GRIN2A: variants seen among roughly 807,000 people sequenced by gnomAD.
The protein encoded by GRIN2A is glutamate ionotropic receptor NMDA type subunit 2A.
Under a neutral mutation model 113.4 loss-of-function variants are expected in GRIN2A, and 22 were observed. The ratio of observed to expected loss-of-function variants is 0.19; its 90% CI spans 0.14 to 0.28. The LOEUF is 0.28. Ranked by LOEUF, GRIN2A falls within the 10% of genes least tolerant of loss-of-function variation. GRIN2A has a pLI of 1.00. For missense variants in GRIN2A, 1,502 were observed against 1,887.0 expected, an observed-to-expected ratio of 0.80 and a Z score of 3.78; for synonymous variants, 827 against 738.4, an observed-to-expected ratio of 1.12 and a Z score of -1.94.
At chr16:10,084,744 C>CTTTATTTATTTATTTATTTATTTA (rs144403767) in intron 2 of GRIN2A, among the ~76,000 whole-genome samples, 4,199 of 147,080 alleles carry the variant, frequency 0.029, 117 homozygotes, top group African/African-American at 0.07. Context: ...CCACCTGACA[C>CTTTATTTATTTATTTATTTATTTA]TTTATTTATT....
chr16:9,982,196 A>G (rs1029599778), intron 2 of GRIN2A, among the ~76,000 whole-genome samples: 2 of 152,196 alleles, frequency 1.3e-5, no homozygotes, highest in Admixed American at 6.5e-5. Flanking sequence ...TGACATGCCC[A>G]TGATGTCATC....
rs533400352 is a variant in GRIN2A, at chr16:10,180,560, G to A, written c.-18-131C>T. ...AGCAGGATAGGCTGCTGGGATCACG[G>A]ACTCCATTCCGAGTCCCCGACGCCA... On this transcript the variant is annotated intron_variant, in intron 1 of 12. Coordinates refer to ENST00000330684, the MANE Select transcript of GRIN2A (RefSeq NM_001134407.3). The surrounding 1 kb of genome is among the most constrained non-coding windows in gnomAD (Gnocchi z 7.0). 2.7e-6 allele frequency: 4 copies of A among 1,481,058 alleles called. No individual in the cohort carries two copies. Among genetic ancestry groups the A allele is most frequent in the Non-Finnish European group, 3.6e-6 (4 of 1,118,134 alleles). The allele number at this position is 1,481,058 out of a possible 1,614,324, so 91.7% of individuals were successfully genotyped here. A position where few individuals can be genotyped will look rare whatever the true frequency, so the allele number is the denominator to read the frequency against.
At chr16:9,810,885 G>A (rs1334187103) in intron 10 of GRIN2A, among the ~76,000 whole-genome samples, 2 of 152,198 alleles carry the variant, frequency 1.3e-5, no homozygotes, top group African/African-American at 2.4e-5. Flanking sequence ...GGAAGGAGGT[G>A]GGGCTTGCTT....
intron 2 of GRIN2A, among the ~76,000 whole-genome samples, chr16:9,950,217 C>T (rs541435411): frequency 6.6e-6 from 1 of 152,264 alleles, no homozygotes; most frequent in Non-Finnish European, 1.5e-5. Context: ...CTCTTGTGAG[C>T]ACAGGGACAG....
At chr16:9,894,963 A>G (rs1399928628) in intron 3 of GRIN2A, among the ~76,000 whole-genome samples, 1 of 152,148 alleles carries the variant, frequency 6.6e-6, no homozygotes, top group Non-Finnish European at 1.5e-5. Flanking sequence ...CCATCCATCC[A>G]TCTATCCGTC....
chr16:9,982,036 C>A (rs2045901615), intron 2 of GRIN2A, among the ~76,000 whole-genome samples: 1 of 152,180 alleles, frequency 6.6e-6, no homozygotes, highest in Admixed American at 6.5e-5. Flanking sequence ...GATCTGCCCA[C>A]CTCAGCCTCC....
chr16:10,130,806 A>C (rs1354850770), intron 2 of GRIN2A, among the ~76,000 whole-genome samples: 1 of 152,220 alleles, frequency 6.6e-6, no homozygotes, highest in Non-Finnish European at 1.5e-5. Context: ...TGACTCAAGC[A>C]GGTCCCCAGG....
At chr16:10,169,503 G>A (rs1364568097) in intron 2 of GRIN2A, among the ~76,000 whole-genome samples, 1 of 152,194 alleles carries the variant, frequency 6.6e-6, no homozygotes. Flanking sequence ...AAAGGATAGA[G>A]GCCCTAGAAG....
At chr16:10,109,422 G>T (rs184070942) in intron 2 of GRIN2A, among the ~76,000 whole-genome samples, 1 of 152,024 alleles carries the variant, frequency 6.6e-6, no homozygotes, top group African/African-American at 2.4e-5. Context: ...TTCATGTTAT[G>T]AGGATAGTAT....
chr16:9,821,965 C>A (rs2042292691), intron 10 of GRIN2A, among the ~76,000 whole-genome samples: 1 of 152,182 alleles, frequency 6.6e-6, no homozygotes, highest in Admixed American at 6.5e-5. Context: ...CTTCTTGGAT[C>A]TTTCTATTTG....
intron 3 of GRIN2A, among the ~76,000 whole-genome samples, chr16:9,908,320 C>G (rs1030997269): frequency 1.3e-5 from 2 of 152,090 alleles, no homozygotes; most frequent in Admixed American, 1.3e-4. Flanking sequence ...ATGTGTTTAC[C>G]ACCTAAAGGG....
intron 5 of GRIN2A, among the ~76,000 whole-genome samples, chr16:9,847,602 C>G (rs9929363): frequency 0.032 from 4,776 of 150,118 alleles, 278 homozygotes; most frequent in African/African-American, 0.11. Context: ...ATTTTTAACA[C>G]ATAAAAATAT....
intron 2 of GRIN2A, among the ~76,000 whole-genome samples, chr16:10,134,465 C>CT (rs1160471788): frequency 3.3e-5 from 3 of 90,522 alleles, no homozygotes. Context: ...TATCACACAC[C>CT]GGGGCCTGTC....
intron 3 of GRIN2A, among the ~76,000 whole-genome samples, chr16:9,932,584 T>C (rs1235017327): frequency 1.3e-5 from 2 of 151,786 alleles, no homozygotes; most frequent in Non-Finnish European, 2.9e-5. Flanking sequence ...GGTTTTACCA[T>C]GTGTTGGCCA....
intron 5 of GRIN2A, among the ~76,000 whole-genome samples, chr16:9,846,426 A>AT (rs1456332710): frequency 6.6e-6 from 1 of 152,194 alleles, no homozygotes; most frequent in Non-Finnish European, 1.5e-5. Flanking sequence ...TTCACAATAC[A>AT]TTTAGCAATC....
chr16:9,958,192 C>A (rs566972665), intron 2 of GRIN2A, among the ~76,000 whole-genome samples: 1 of 152,320 alleles, frequency 6.6e-6, no homozygotes, highest in South Asian at 2.1e-4. Flanking sequence ...AAGCATCTGG[C>A]ATGCAATTAA....
At chr16:9,944,614 G>A (rs182199600) in intron 2 of GRIN2A, among the ~76,000 whole-genome samples, 1 of 152,108 alleles carries the variant, frequency 6.6e-6, no homozygotes, top group East Asian at 1.9e-4. Flanking sequence ...ATCGTATGTG[G>A]TTGCCTAGTT....
chr16:9,872,192 T>C lies in GRIN2A; in HGVS notation c.1122+18794A>G, dbSNP rs1024039387. On this transcript the variant is annotated intron_variant, in intron 4 of 12. Coordinates refer to ENST00000330684, the MANE Select transcript of GRIN2A (RefSeq NM_001134407.3). ...CCATTTTGCTGTTGGAAACAAAGAA[T>C]GACAGATTTCCAGAATTAGCGGGAG... is the stretch of plus-strand genomic sequence containing the variant. 5.3e-5 allele frequency among the ~76,000 whole-genome samples: 8 copies of C among 152,174 alleles called. No homozygotes were observed. In the East Asian group the frequency reaches 1.3e-3, roughly 26 times the overall value.
intron 11 of GRIN2A, among the ~76,000 whole-genome samples, chr16:9,783,072 G>A (rs1201135791): frequency 1.3e-5 from 2 of 152,142 alleles, no homozygotes; most frequent in African/African-American, 4.8e-5. Flanking sequence ...CTTAGTTGTT[G>A]GGGCATCAGA....
Sources: gnomAD v4.1 joint callset for allele counts (sites outside exome capture counted in the v4.1 genomes callset) on GRCh38, gnomAD v4.1.1 for gene constraint, Gnocchi (gnomAD v3.1) non-coding constraint, MANE v1.5 for transcripts, NCBI Gene and HGNC (gene_info 2026-07-23, HGNC 2026-07-21) for gene names.